MRPL18: variants seen among roughly 807,000 people sequenced by gnomAD.
The protein encoded by MRPL18 is large ribosomal subunit protein uL18m.
In MRPL18, 16 loss-of-function variants were observed where a neutral mutation model predicts 20.9. The ratio of observed to expected loss-of-function variants is 0.76; its 90% CI spans 0.52 to 1.16. The LOEUF (loss-of-function observed/expected upper bound fraction) is 1.16, where lower values mean the gene tolerates loss of function less well. Ranked by LOEUF, MRPL18 falls within the 50% of genes most tolerant of loss-of-function variation. The pLI is 0.00. For synonymous variants in MRPL18, 91 were observed against 87.1 expected, an observed-to-expected ratio of 1.04 and a Z score of -0.25; for missense variants, 233 against 230.6, an observed-to-expected ratio of 1.01 and a Z score of -0.07.
chr6:159,791,537 C>G (rs1281877850), intron 2 of MRPL18, among the ~76,000 whole-genome samples: 1 of 152,166 alleles, frequency 6.6e-6, no homozygotes, highest in Non-Finnish European at 1.5e-5. Flanking sequence ...AAGATGAGCA[C>G]TTTAGACTTT....
chr6:159,796,740 C>G (rs1425919498), intron 2 of MRPL18, among the ~76,000 whole-genome samples: 1 of 151,998 alleles, frequency 6.6e-6, no homozygotes, highest in Non-Finnish European at 1.5e-5. Context: ...GCTGTGGTTG[C>G]ACTGCTGTAC....
intron 2 of MRPL18, among the ~76,000 whole-genome samples, chr6:159,795,535 C>T (rs1781010526): frequency 6.6e-6 from 1 of 152,176 alleles, no homozygotes; most frequent in African/African-American, 2.4e-5. Context: ...CTGAGTTTGA[C>T]ACAGCACGTA....
intron 2 of MRPL18, among the ~76,000 whole-genome samples, chr6:159,796,524 A>G (rs1416440849): frequency 6.6e-6 from 1 of 151,372 alleles, no homozygotes; most frequent in Non-Finnish European, 1.5e-5. Flanking sequence ...ACAGTGGCTC[A>G]TGCCTGTAAT....
At chr6:159,795,524 C>T (rs992373964) in intron 2 of MRPL18, among the ~76,000 whole-genome samples, 2 of 152,162 alleles carry the variant, frequency 1.3e-5, no homozygotes, top group Non-Finnish European at 1.5e-5. Flanking sequence ...TCCATTTAAC[C>T]CTGAGTTTGA....
At chr6:159,790,297 ACTTAAG>A (rs1780833634), upstream of MRPL18, among the ~76,000 whole-genome samples, 1 of 152,086 alleles carries the variant, frequency 6.6e-6, no homozygotes, top group Non-Finnish European at 1.5e-5. Flanking sequence ...TTGACCCCGG[ACTTAAG>A]CAACAAGCGT....
At chr6:159,790,142 A>T (rs1780826816), upstream of MRPL18, 1 of 206,754 alleles carries the variant, frequency 4.8e-6, no homozygotes, top group African/African-American at 2.3e-5. Flanking sequence ...TTCGAGGAAG[A>T]CAACCACCCT....
Position 159,796,128 on chromosome 6 carries a change from CTTTTTT to C in MRPL18, c.240-1143_240-1138del, listed in dbSNP as rs371374052. ...TTGCTTTTCTTTTGACTTCATTTTA[CTTTTTT>C]TTTTTTTTTTTTTTTAACCATGCAG... is the stretch of plus-strand genomic sequence containing the variant. On this transcript the variant is annotated intron_variant, in intron 2 of 3. Transcript: ENST00000367034. Among the ~76,000 whole-genome samples the C allele has an allele frequency of 4.0e-4, 46 of 116,334 alleles. No homozygotes were observed. The East Asian group carries it at 5.3e-3, about 13-fold the overall frequency. The allele number at this position is 116,334 out of a possible 152,430, so 76.3% of individuals were successfully genotyped here.
In MRPL18 at chr6:159,790,987, C is replaced by G. The variant is rs779937842; in HGVS notation, c.100C>G (p.Pro34Ala). 3 of 1,614,170 alleles carry G rather than the reference C, an allele frequency of 1.9e-6. No individual in the cohort carries two copies. The South Asian group carries it at 3.3e-5, about 18-fold the overall frequency. Residue 34 changes from proline to alanine, a missense_variant, in exon 2 of 4, where the codon CCT becomes GCT. Pro to Ala is a conservative substitution (Grantham distance 27). Coordinates refer to ENST00000367034, the MANE Select transcript of MRPL18 (RefSeq NM_014161.5). ...AACCAGCTCCGAGCCGGCAGCGAAACCTGAAGTGGACCCTGTGGAAAATGA... is the reference window on the plus strand; with the variant it reads ...AACCAGCTCCGAGCCGGCAGCGAAAGCTGAAGTGGACCCTGTGGAAAATGA... ...LSTSSEPAAK[P>A]EVDPVENEAV...
upstream of MRPL18, chr6:159,790,432 G>A (rs960811161): frequency 1.6e-4 from 135 of 844,198 alleles, no homozygotes; most frequent in African/African-American, 1.6e-3. Context: ...AGTGGCAGGG[G>A]ACTTGCTACT....
rs1257177216 is a variant in MRPL18 at position 159,790,955 on chromosome 6, C to T, written c.68C>T (p.Ala23Val). 3 of 1,614,124 alleles carry T rather than the reference C, an allele frequency of 1.9e-6. No individual in the cohort carries two copies. Among genetic ancestry groups the T allele is most frequent in the South Asian group, 2.2e-5 (2 of 91,084 alleles). Residue 23 changes from alanine to valine, a missense_variant, in exon 2 of 4, where the codon GCC becomes GTC. By Grantham distance (64) the Ala-to-Val change is moderately conservative (BLOSUM62 0). Coordinates refer to ENST00000367034, the MANE Select transcript of MRPL18 (RefSeq NM_014161.5). ...CGTTGCCCAGGGTGCAGGTTCGCAG[C>T]CCTGTCAACCAGCTCCGAGCCGGCA... Reference protein sequence around the residue: ...VCRNPGCRFAALSTSSEPAAK... With the variant: ...VCRNPGCRFAVLSTSSEPAAK...
chr6:159,789,856 C>T (rs937966901), upstream of MRPL18: 4 of 290,548 alleles, frequency 1.4e-5, no homozygotes, highest in African/African-American at 6.4e-5. Context: ...GTTGCGCAGA[C>T]GCAGTGGGCC....
chr6:159,795,704 A>G (rs1302533067), intron 2 of MRPL18, among the ~76,000 whole-genome samples: 1 of 152,222 alleles, frequency 6.6e-6, no homozygotes, highest in East Asian at 1.9e-4. Flanking sequence ...CAAGTTATTG[A>G]TCATTTTCTT....
At chr6:159,790,805 C>T (rs1054424063) in intron 1 of MRPL18, 135 bp from the exon 2 acceptor site, 2 of 1,369,554 alleles carry the variant, frequency 1.5e-6, no homozygotes, top group Non-Finnish European at 2.0e-6. Flanking sequence ...CTGACTCCAC[C>T]CTGTGGGCAT....
chr6:159,790,851 G>A (rs1243680307), intron 1 of MRPL18, 89 bp from the exon 2 acceptor site: 2 of 1,511,274 alleles, frequency 1.3e-6, no homozygotes, highest in East Asian at 2.3e-5. Flanking sequence ...AAAGATTGGG[G>A]GTGTAAAAGC....
At chr6:159,793,868 C>T (rs192647237) in intron 2 of MRPL18, among the ~76,000 whole-genome samples, 1,524 of 151,592 alleles carry the variant, frequency 0.01, 23 homozygotes, top group Middle Eastern at 0.034. Flanking sequence ...GCCGAGATCG[C>T]GCCACTGCAC....
chr6:159,796,786 A>T (rs1289824896), intron 2 of MRPL18, among the ~76,000 whole-genome samples: 1 of 152,186 alleles, frequency 6.6e-6, no homozygotes, highest in Non-Finnish European at 1.5e-5. Flanking sequence ...TGTTTCTGAA[A>T]AATAATAAAA....
intron 2 of MRPL18, among the ~76,000 whole-genome samples, chr6:159,793,394 A>AT (rs1456844577): frequency 6.6e-6 from 1 of 152,130 alleles, no homozygotes. Flanking sequence ...AATCAAAAGA[A>AT]TATTTTGTGG....
At chr6:159,790,768 A>T (rs940566491) in intron 1 of MRPL18, 129 bp downstream of exon 1, 49 of 1,417,886 alleles carry the variant, frequency 3.5e-5, no homozygotes, top group African/African-American at 4.2e-5. Context: ...CGAAGACCAC[A>T]GTAGGAAGTT....
rs769836743 is a variant in MRPL18, at chr6:159,797,305, T to C, written c.258T>C (p.Thr86=). The C allele has an allele frequency of 6.2e-7, 1 of 1,614,222 alleles. No homozygotes were observed. The change falls in exon 3 of 4, where the codon ACT becomes ACC. Residue 86 remains threonine (T), a synonymous_variant. Transcript: ENST00000367034. Reference sequence around the variant, plus strand: ...CATTTAGGTTGCGAGTTATAAGGACTCAGCATCATGTAGAAGCACTTGTGG... The same window carrying C: ...CATTTAGGTTGCGAGTTATAAGGACCCAGCATCATGTAGAAGCACTTGTGG... ...EFWHRLRVIR[T]QHHVEALVEH... is the part of the protein sequence containing the mutation.
Sources: gnomAD v4.1 joint callset for allele counts (sites outside exome capture counted in the v4.1 genomes callset) on GRCh38, gnomAD v4.1.1 for gene constraint, MANE v1.5 for transcripts, NCBI Gene and HGNC (gene_info 2026-07-23, HGNC 2026-07-21) for gene names.